Variants in FRMD4A observed in about 807,000 individuals in gnomAD.
FRMD4A encodes the protein FERM domain-containing protein 4A.
FRMD4A carries 29 observed loss-of-function variants against 129.1 expected under a neutral mutation model. The observed-to-expected ratio is 0.22, with a 90% CI of 0.17 to 0.31. FRMD4A has a LOEUF of 0.31. Among genes scored for constraint, FRMD4A ranks in the 10% least tolerant of loss-of-function variants. FRMD4A has a pLI of 1.00. For synonymous variants in FRMD4A, 634 were observed against 571.6 expected, an observed-to-expected ratio of 1.11 and a Z score of -1.56; for missense variants, 1,272 against 1,375.8, an observed-to-expected ratio of 0.92 and a Z score of 1.19.
chr10:13,852,580 ATTTAT>A (rs753705332), intron 3 of FRMD4A, among the ~76,000 whole-genome samples: 20 of 152,196 alleles, frequency 1.3e-4, no homozygotes, highest in Admixed American at 5.2e-4. Flanking sequence ...TTTATTGTAT[ATTTAT>A]TTTATCTTAA....
chr10:13,781,934 G>A (rs1193334231), intron 6 of FRMD4A, among the ~76,000 whole-genome samples: 1 of 152,102 alleles, frequency 6.6e-6, no homozygotes, highest in East Asian at 1.9e-4. Context: ...TGTACTGAAT[G>A]CCGCTGAACT....
chr10:13,964,047 C>T (rs1415320483), intron 2 of FRMD4A, among the ~76,000 whole-genome samples: 1 of 151,712 alleles, frequency 6.6e-6, no homozygotes, highest in Middle Eastern at 3.2e-3. Flanking sequence ...GGGATGTGCC[C>T]TGTGACCCTC....
intron 2 of FRMD4A, among the ~76,000 whole-genome samples, chr10:14,137,392 A>G (rs1839593524): frequency 6.6e-6 from 1 of 152,168 alleles, no homozygotes; most frequent in South Asian, 2.1e-4. Context: ...AGTGATAAAA[A>G]TGTGCTGCAT....
intron 3 of FRMD4A, among the ~76,000 whole-genome samples, chr10:13,853,294 C>T (rs766416500): frequency 6.6e-6 from 1 of 152,154 alleles, no homozygotes; most frequent in Non-Finnish European, 1.5e-5. Flanking sequence ...CATCTTAACA[C>T]TTTGAGAAGG....
rs117801998 is a variant in FRMD4A at position 13,766,723 on chromosome 10, C to T, written c.385-4043G>A. Among the ~76,000 whole-genome samples the T allele has an allele frequency of 1.6e-3, 247 of 152,260 alleles. 1 individual carries two copies. The highest frequency in any genetic ancestry group is 3.0e-3 in the Non-Finnish European group (205 of 68,012). On this transcript the variant is annotated intron_variant, in intron 6 of 24. Coordinates refer to ENST00000357447, the MANE Select transcript of FRMD4A (RefSeq NM_018027.5). The stretch of plus-strand genomic sequence containing the variant: ...TGGCTTTATCCTTAAGATTCTACCA[C>T]GATGGAGCAGAGCTCTAGACTTCCG...
chr10:14,195,384 T>A (rs6602714), intron 2 of FRMD4A, among the ~76,000 whole-genome samples: 152,110 of 152,116 alleles, frequency 1, 76,052 homozygotes, highest in Non-Finnish European at 1. Context: ...TGAGATAGTA[T>A]ATCTTTCTGA....
intron 6 of FRMD4A, among the ~76,000 whole-genome samples, chr10:13,764,436 G>C (rs1483453295): frequency 6.6e-6 from 1 of 151,994 alleles, no homozygotes; most frequent in Non-Finnish European, 1.5e-5. Flanking sequence ...GCCTGCGGAG[G>C]TTGAGGCTAC....
chr10:13,952,270 G>C (rs528623162), intron 2 of FRMD4A, among the ~76,000 whole-genome samples: 50 of 152,150 alleles, frequency 3.3e-4, no homozygotes, highest in Non-Finnish European at 5.7e-4. Context: ...GGCTGAGGCA[G>C]GACAACTGTT....
intron 2 of FRMD4A, among the ~76,000 whole-genome samples, chr10:14,221,848 C>T (rs553591000): frequency 2.0e-5 from 3 of 152,216 alleles, no homozygotes; most frequent in Non-Finnish European, 2.9e-5. Flanking sequence ...AGTCACAATG[C>T]GCCGCCAGTG....
chr10:13,943,350 GA>G (rs1290810493), intron 2 of FRMD4A, among the ~76,000 whole-genome samples: 1 of 151,942 alleles, frequency 6.6e-6, no homozygotes, highest in African/African-American at 2.4e-5. Flanking sequence ...ATAATTTGTT[GA>G]AAAGGAGACC....
chr10:13,909,863 A>G (rs1358901404), intron 2 of FRMD4A, among the ~76,000 whole-genome samples: 1 of 152,240 alleles, frequency 6.6e-6, no homozygotes, highest in Non-Finnish European at 1.5e-5. Context: ...ACTCATGTCA[A>G]AAGAGAAAAT....
chr10:14,105,622 G>C (rs939918573), intron 2 of FRMD4A, among the ~76,000 whole-genome samples: 1 of 152,096 alleles, frequency 6.6e-6, no homozygotes, highest in Non-Finnish European at 1.5e-5. Flanking sequence ...ATTCTAAAAT[G>C]GTGCTTAGAC....
intron 2 of FRMD4A, among the ~76,000 whole-genome samples, chr10:14,116,622 C>A (rs1402579911): frequency 6.6e-6 from 1 of 152,154 alleles, no homozygotes; most frequent in Non-Finnish European, 1.5e-5. Flanking sequence ...GGTTACAGAA[C>A]TCAGCTTCCT....
intron 2 of FRMD4A, among the ~76,000 whole-genome samples, chr10:14,035,138 C>T (rs531021847): frequency 1.3e-5 from 2 of 152,246 alleles, no homozygotes; most frequent in South Asian, 2.1e-4. Context: ...ATAGACTGGG[C>T]ACGGTGGCTC....
intron 2 of FRMD4A, among the ~76,000 whole-genome samples, chr10:14,122,996 C>G (rs1838616535): frequency 6.6e-6 from 1 of 152,034 alleles, no homozygotes; most frequent in Non-Finnish European, 1.5e-5. Flanking sequence ...GTATAGAACA[C>G]TGATACTTAT....
chr10:13,948,298 C>T (rs546086683), intron 2 of FRMD4A, among the ~76,000 whole-genome samples: 2 of 152,004 alleles, frequency 1.3e-5, no homozygotes, highest in South Asian at 4.2e-4. Context: ...GCGATCCTCC[C>T]TCCTTAGCCT....
intron 2 of FRMD4A, among the ~76,000 whole-genome samples, chr10:14,204,888 A>T (rs1469019890): frequency 6.6e-6 from 1 of 152,160 alleles, no homozygotes; most frequent in Admixed American, 6.6e-5. Context: ...CTGCACCACC[A>T]AAATAACTGC....
At chr10:13,873,972 T>C (rs1481090401) in intron 2 of FRMD4A, among the ~76,000 whole-genome samples, 1 of 151,294 alleles carries the variant, frequency 6.6e-6, no homozygotes, top group Non-Finnish European at 1.5e-5. Context: ...GCTGGTTGGG[T>C]GTGGTGGTTC....
chr10:13,912,702 TG>T (rs1260930470), intron 2 of FRMD4A, among the ~76,000 whole-genome samples: 1 of 152,030 alleles, frequency 6.6e-6, no homozygotes, highest in African/African-American at 2.4e-5. Flanking sequence ...TAATTTTTTT[TG>T]TATTTTTAGT....
Sources: allele counts gnomAD v4.1 joint callset (sites outside exome capture counted in the v4.1 genomes callset), GRCh38; gene constraint gnomAD v4.1.1; transcripts MANE v1.5; gene names NCBI Gene and HGNC (gene_info 2026-07-23, HGNC 2026-07-21).